Variants in ZFAND5 observed in about 807,000 individuals in gnomAD.
The protein encoded by ZFAND5 is AN1-type zinc finger protein 5.
ZFAND5 carries 4 observed loss-of-function variants against 23.6 expected under a neutral mutation model. The ratio of observed to expected loss-of-function variants is 0.17; its 90% CI spans 0.08 to 0.39. The LOEUF (loss-of-function observed/expected upper bound fraction) is 0.39. Ranked by LOEUF, ZFAND5 falls within the 10% of genes least tolerant of loss-of-function variation. ZFAND5 has a pLI of 1.00. For missense variants in ZFAND5, 161 were observed against 253.7 expected, an observed-to-expected ratio of 0.63 and a Z score of 2.48; for synonymous variants, 68 against 80.6, an observed-to-expected ratio of 0.84 and a Z score of 0.84.
At chr9:72,360,441 T>C in intron 3 of ZFAND5, 187 bp downstream of exon 3, 1 of 875,874 alleles carries the variant, frequency 1.1e-6, no homozygotes, top group Non-Finnish European at 1.7e-6. Flanking sequence ...ACTGAAAAGC[T>C]ATAAGATGCT....
chr9:72,363,663 G>A (rs1842166512), intron 1 of ZFAND5, 57 bp from the exon 2 acceptor site: 1 of 982,810 alleles, frequency 1.0e-6, no homozygotes, highest in South Asian at 4.7e-5. Context: ...TTAGGGGGGT[G>A]TGGGGAAACA....
At chr9:72,364,608 TTGGC>T in intron 1 of ZFAND5, 84 bp downstream of exon 1, 2 of 1,213,730 alleles carry the variant, frequency 1.6e-6, no homozygotes, top group Non-Finnish European at 2.1e-6. Context: ...GGCTTCGCCA[TTGGC>T]CCGCGGCGCC....
At position 72,354,387 on chromosome 9, in the gene ZFAND5, A is replaced by G. The variant is rs963164890; in HGVS notation, c.*1566T>C. On this transcript the variant is annotated 3_prime_UTR_variant, in exon 7 of 7. Transcript: ENST00000376962. Reference sequence around the variant, plus strand: ...AGGAAAAAAAATTATATAGCCATGTAAAGTAACATTTTCTAATTTTCCCCC... The same window carrying G: ...AGGAAAAAAAATTATATAGCCATGTGAAGTAACATTTTCTAATTTTCCCCC... The G allele has an allele frequency of 2.0e-5, 3 of 152,746 alleles. No homozygotes were observed. The highest frequency in any genetic ancestry group is 2.0e-4 in the Admixed American group (3 of 15,310). 9.5% of individuals were successfully genotyped at this position (152,746 alleles called of 1,614,324 possible).
chr9:72,356,426 T>C (rs1564302270), intron 6 of ZFAND5, among the ~76,000 whole-genome samples: 1 of 152,200 alleles, frequency 6.6e-6, no homozygotes, highest in Non-Finnish European at 1.5e-5. Context: ...TGCCAGCTAA[T>C]TTCTCCCAGA....
In ZFAND5 at chr9:72,354,949, G is replaced by A. The variant is rs1195831884; in HGVS notation, c.*1004C>T. Reference sequence around the variant, plus strand: ...GATAAAGCAGCCCTCTGCAAGTGGTGCTGGATACCACTAAGAAGTCTACTG... The same window carrying A: ...GATAAAGCAGCCCTCTGCAAGTGGTACTGGATACCACTAAGAAGTCTACTG... On this transcript the variant is annotated 3_prime_UTR_variant, in exon 7 of 7. Transcript: ENST00000376962. 2 of 152,608 alleles carry A rather than the reference G, an allele frequency of 1.3e-5. No individual in the cohort carries two copies. Among genetic ancestry groups the A allele is most frequent in the African/African-American group, 2.4e-5 (1 of 41,442 alleles). The allele number at this position is 152,608 out of a possible 1,614,324, so 9.5% of individuals were successfully genotyped here.
intron 5 of ZFAND5, among the ~76,000 whole-genome samples, chr9:72,357,972 C>T (rs1841992143): frequency 6.6e-6 from 1 of 152,154 alleles, no homozygotes; most frequent in Non-Finnish European, 1.5e-5. Context: ...TATAATTCAA[C>T]TACACCTGAA....
chr9:72,356,825 T>A lies in ZFAND5; in HGVS notation c.493+106A>T. The A allele has an allele frequency of 6.7e-4, 6 of 8,914 alleles. 1 individual carries two copies. The highest frequency in any genetic ancestry group is 1.0e-3 in the Non-Finnish European group (6 of 5,926). The allele number at this position is 8,914 out of a possible 1,614,324, so 0.6% of individuals were successfully genotyped here. The stretch of plus-strand genomic sequence containing the variant: ...TTCCTAGACTACAGCTAGTCAGGCT[T>A]TTTTTTTTTTTTTATGTGTAAGACC... On this transcript the variant is annotated intron_variant, in intron 6 of 6. Coordinates refer to ENST00000376962, the MANE Select transcript of ZFAND5 (RefSeq NM_001102420.3).
At position 72,363,469 on chromosome 9, in the gene ZFAND5, C is replaced by T; in HGVS notation, c.-10+1G>A. The T allele has an allele frequency of 5.1e-6, 1 of 195,000 alleles. No individual in the cohort carries two copies. The highest frequency in any genetic ancestry group is 9.3e-6 in the Non-Finnish European group (1 of 107,012). 12.1% of individuals were successfully genotyped at this position (195,000 alleles called of 1,614,324 possible). A position where few individuals can be genotyped will look rare whatever the true frequency, so the allele number is the denominator to read the frequency against. On this transcript the variant is annotated splice_donor_variant, in intron 2 of 6. Coordinates refer to ENST00000376962, the MANE Select transcript of ZFAND5 (RefSeq NM_001102420.3). LOFTEE classifies it low-confidence loss of function (5UTR_SPLICE). ...ATGAGATGGCATGAATTCCCACTCACCTGGGAATGGAGACCTGAGTTCAAG... is the reference window on the plus strand; with the variant it reads ...ATGAGATGGCATGAATTCCCACTCATCTGGGAATGGAGACCTGAGTTCAAG...
chr9:72,361,800 T>C (rs1842112123), intron 2 of ZFAND5, among the ~76,000 whole-genome samples: 1 of 152,148 alleles, frequency 6.6e-6, no homozygotes, highest in South Asian at 2.1e-4. Flanking sequence ...TAAAATAAAG[T>C]TGTGGAGGGT....
chr9:72,356,854 T>C (rs1173811120), intron 6 of ZFAND5, 77 bp downstream of exon 6: 4 of 1,474,562 alleles, frequency 2.7e-6, no homozygotes, highest in Admixed American at 2.2e-5. Context: ...TAAGACCAAC[T>C]AGTCTCTTAG....
Position 72,359,536 on chromosome 9 carries a change from GCAAA to G in ZFAND5, c.264-19_264-16del. The G allele has an allele frequency of 1.2e-6, 2 of 1,611,556 alleles. No homozygotes were observed. The highest frequency in any genetic ancestry group is 1.1e-5 in the South Asian group (1 of 90,742). On this transcript the variant is annotated splice_polypyrimidine_tract_variant and intron_variant, in intron 4 of 6. Transcript: ENST00000376962. ...CAGGCACATTTCTATTTGAGTTCAA[GCAAA>G]CAATTTTTAAAGGTGTTAAGGGTAC...
At chr9:72,360,586 C>T in intron 3 of ZFAND5, 42 bp downstream of exon 3, 1 of 1,610,868 alleles carries the variant, frequency 6.2e-7, no homozygotes, top group East Asian at 2.2e-5. Context: ...TATTTCTGTC[C>T]ACCAGTTCTT....
chr9:72,356,888 A>T, intron 6 of ZFAND5, 43 bp downstream of exon 6: 1 of 1,607,202 alleles, frequency 6.2e-7, no homozygotes, highest in African/African-American at 1.3e-5. Flanking sequence ...GCTCCTTGTT[A>T]ACTGCAGAAG....
At chr9:72,364,316 G>A (rs1394854269) in intron 1 of ZFAND5, 2 of 930,994 alleles carry the variant, frequency 2.1e-6, no homozygotes, top group Admixed American at 5.3e-5. Flanking sequence ...GAGAGCTAGG[G>A]GGGGCTGCAA....
At position 72,354,873 on chromosome 9, in the gene ZFAND5, G is replaced by C. The variant is rs1370498697; in HGVS notation, c.*1080C>G. On this transcript the variant is annotated 3_prime_UTR_variant, in exon 7 of 7. Coordinates refer to ENST00000376962, the MANE Select transcript of ZFAND5 (RefSeq NM_001102420.3). ...ATTGTACAATGCTGTAGATAATGCA[G>C]CCCATGCAATACACCCAAGAACACT... 6.6e-6 allele frequency: 1 copy of C among 152,576 alleles called. No homozygotes were observed. The highest frequency in any genetic ancestry group is 1.5e-5 in the Non-Finnish European group (1 of 68,028). The allele number at this position is 152,576 out of a possible 1,614,324, so 9.5% of individuals were successfully genotyped here.
rs1282281076 is a variant in ZFAND5 at position 72,356,815 on chromosome 9, T to A, written c.493+116A>T. 8 of 1,241,298 alleles carry A rather than the reference T, an allele frequency of 6.4e-6. No homozygotes were observed. The African/African-American group carries it at 1.5e-4, about 23-fold the overall frequency. The allele number at this position is 1,241,298 out of a possible 1,614,324, so 76.9% of individuals were successfully genotyped here. ...TCCTCCACCTTTCCTAGACTACAGC[T>A]AGTCAGGCTTTTTTTTTTTTTTTAT... On this transcript the variant is annotated intron_variant, in intron 6 of 6. Coordinates refer to ENST00000376962, the MANE Select transcript of ZFAND5 (RefSeq NM_001102420.3).
chr9:72,358,891 C>A (rs1386914263), intron 5 of ZFAND5, among the ~76,000 whole-genome samples: 1 of 152,114 alleles, frequency 6.6e-6, no homozygotes, highest in African/African-American at 2.4e-5. Flanking sequence ...CATCAGGGCA[C>A]TTCTGGTTGT....
rs1842197534 is a variant in ZFAND5, at chr9:72,364,341, G to A, written c.-147+355C>T. 2.6e-5 allele frequency: 28 copies of A among 1,097,358 alleles called. No homozygotes were observed. The South Asian group carries it at 2.6e-4, about 10-fold the overall frequency. 68.0% of individuals were successfully genotyped at this position (1,097,358 alleles called of 1,614,324 possible). On this transcript the variant is annotated intron_variant, in intron 1 of 6. Transcript: ENST00000376962. ...GGGGGCTGCAACGGGCAGGGGGCGC[G>A]GCCGCCGCCTCGGCCTCTTTGTTTC...
In ZFAND5 at chr9:72,354,391, T is replaced by C. The variant is rs777629512; in HGVS notation, c.*1562A>G. 1 of 152,574 alleles carries C rather than the reference T, an allele frequency of 6.6e-6. No homozygotes were observed. The highest frequency in any genetic ancestry group is 2.4e-5 in the African/African-American group (1 of 41,454). The allele number at this position is 152,574 out of a possible 1,614,324, so 9.5% of individuals were successfully genotyped here. A position where few individuals can be genotyped will look rare whatever the true frequency, so the allele number is the denominator to read the frequency against. ...AAAAAAATTATATAGCCATGTAAAG[T>C]AACATTTTCTAATTTTCCCCCTTTA... On this transcript the variant is annotated 3_prime_UTR_variant, in exon 7 of 7. Transcript: ENST00000376962.
Sources: allele counts gnomAD v4.1 joint callset (sites outside exome capture counted in the v4.1 genomes callset), GRCh38; gene constraint gnomAD v4.1.1; transcripts MANE v1.5; gene names NCBI Gene and HGNC (gene_info 2026-07-23, HGNC 2026-07-21).